Variants in RAD51B observed in about 807,000 individuals in gnomAD.
RAD51B encodes the protein DNA repair protein RAD51 homolog 2.
In RAD51B, 38 loss-of-function variants were observed where a neutral mutation model predicts 42.2. That is an observed-to-expected ratio of 0.90 (90% CI 0.70 to 1.18). RAD51B has a LOEUF of 1.18. Ranked by LOEUF, RAD51B falls within the 50% of genes most tolerant of loss-of-function variation. The pLI is 0.00. For missense variants in RAD51B, 373 were observed against 400.7 expected (o/e 0.93, Z 0.59); for synonymous variants, 154 against 145.2 (o/e 1.06, Z -0.43).
chr14:68,610,101 A>G (rs1047794775), intron 10 of RAD51B, among the ~76,000 whole-genome samples: 3 of 152,056 alleles, frequency 2.0e-5, no homozygotes, highest in Admixed American at 6.5e-5. Context: ...GTCTCTGCTT[A>G]GACACCCTGC....
At chr14:68,340,140 C>T (rs186877576) in intron 8 of RAD51B, among the ~76,000 whole-genome samples, 1 of 152,280 alleles carries the variant, frequency 6.6e-6, no homozygotes, top group Non-Finnish European at 1.5e-5. Context: ...TGTCTTTGGA[C>T]CGATACAATG....
At chr14:68,592,795 T>C (rs1199251929) in intron 10 of RAD51B, among the ~76,000 whole-genome samples, 1 of 152,236 alleles carries the variant, frequency 6.6e-6, no homozygotes, top group African/African-American at 2.4e-5. Flanking sequence ...TGGCATTGAT[T>C]CCCTTCGGCA....
chr14:68,577,445 T>C (rs1890011282), intron 10 of RAD51B, among the ~76,000 whole-genome samples: 2 of 152,138 alleles, frequency 1.3e-5, no homozygotes, highest in South Asian at 4.1e-4. Context: ...GTTTAGATGC[T>C]TCCACAGTCA....
chr14:68,410,101 G>A (rs150407333), intron 8 of RAD51B, among the ~76,000 whole-genome samples: 254 of 152,214 alleles, frequency 1.7e-3, no homozygotes, highest in African/African-American at 6.0e-3. Context: ...TTTGTTGTAG[G>A]ATGCTGTCCT....
intron 10 of RAD51B, among the ~76,000 whole-genome samples, chr14:68,508,461 G>A (rs1260632436): frequency 1.3e-5 from 2 of 152,222 alleles, no homozygotes; most frequent in Non-Finnish European, 2.9e-5. Context: ...TTCAGCTCCT[G>A]TTAGCTAGAG....
intron 8 of RAD51B, among the ~76,000 whole-genome samples, chr14:68,342,103 T>G (rs988755100): frequency 6.6e-6 from 1 of 152,208 alleles, no homozygotes; most frequent in African/African-American, 2.4e-5. Flanking sequence ...CTTGACTCTA[T>G]CACATGTTTA....
intron 7 of RAD51B, among the ~76,000 whole-genome samples, chr14:68,188,596 C>T (rs1472253536): frequency 6.6e-6 from 1 of 152,160 alleles, no homozygotes. Context: ...TTGATTACTT[C>T]ATCAAAGCAA....
At chr14:68,444,440 TTGTGTGTGTGTGTGTGTG>T (rs3837661) in intron 9 of RAD51B, among the ~76,000 whole-genome samples, 1 of 150,166 alleles carries the variant, frequency 6.7e-6, no homozygotes, top group Non-Finnish European at 1.5e-5. Flanking sequence ...GAATTGTGAA[TTGTGTGTGTGTGTGTGTG>T]TGTGTGTGTG....
At chr14:68,071,136 G>C (rs549437073) in intron 7 of RAD51B, among the ~76,000 whole-genome samples, 1 of 152,034 alleles carries the variant, frequency 6.6e-6, no homozygotes, top group Non-Finnish European at 1.5e-5. Context: ...AAACTTTGCC[G>C]AAGTTATTTA....
chr14:68,377,124 A>G (rs1269688148), intron 8 of RAD51B, among the ~76,000 whole-genome samples: 1 of 152,210 alleles, frequency 6.6e-6, no homozygotes, highest in Non-Finnish European at 1.5e-5. Flanking sequence ...GGGATATGAA[A>G]CTAGAGGCTT....
intron 4 of RAD51B, among the ~76,000 whole-genome samples, chr14:67,862,718 A>G (rs920837304): frequency 1.4e-4 from 21 of 152,194 alleles, no homozygotes; most frequent in Non-Finnish European, 4.4e-5. Context: ...GAATCACAAA[A>G]TATTTACATT....
At chr14:67,829,273 T>C (rs2040945136) in intron 3 of RAD51B, among the ~76,000 whole-genome samples, 3 of 151,804 alleles carry the variant, frequency 2.0e-5, no homozygotes, top group Admixed American at 2.0e-4. Flanking sequence ...GACAGAGTCT[T>C]GCTCTGTCGC....
chr14:68,237,921 G>C (rs2080297071), intron 7 of RAD51B, among the ~76,000 whole-genome samples: 1 of 151,884 alleles, frequency 6.6e-6, no homozygotes, highest in African/African-American at 2.4e-5. Flanking sequence ...TTTTAGTAGA[G>C]ATGGTGTTTC....
At chr14:68,000,839 C>G (rs2075468166) in intron 7 of RAD51B, among the ~76,000 whole-genome samples, 1 of 152,150 alleles carries the variant, frequency 6.6e-6, no homozygotes, top group Non-Finnish European at 1.5e-5. Context: ...TCCTCTGTCT[C>G]TGAGAACCAT....
chr14:68,463,822 GC>G (rs1395619422), intron 9 of RAD51B, among the ~76,000 whole-genome samples: 5 of 152,078 alleles, frequency 3.3e-5, no homozygotes, highest in African/African-American at 1.2e-4. Context: ...TGGAATTTGG[GC>G]CCCAGTCCAA....
intron 7 of RAD51B, among the ~76,000 whole-genome samples, chr14:67,937,922 G>A (rs1331937724): frequency 2.0e-5 from 3 of 151,932 alleles, no homozygotes; most frequent in African/African-American, 7.3e-5. Flanking sequence ...TTGCATTAGG[G>A]GTTTGAAATA....
chr14:68,230,690 T>C (rs866672321), intron 7 of RAD51B, among the ~76,000 whole-genome samples: 4 of 152,342 alleles, frequency 2.6e-5, no homozygotes, highest in Middle Eastern at 6.8e-3. Context: ...AGAAACGGAT[T>C]GCTATGCAGA....
intron 10 of RAD51B, among the ~76,000 whole-genome samples, chr14:68,601,748 T>C (rs1891228271): frequency 6.6e-6 from 1 of 152,044 alleles, no homozygotes; most frequent in Non-Finnish European, 1.5e-5. Context: ...GCCCACTACC[T>C]CCCCTCCCTC....
intron 7 of RAD51B, among the ~76,000 whole-genome samples, chr14:68,226,525 A>G (rs2080042287): frequency 6.6e-6 from 1 of 152,156 alleles, no homozygotes; most frequent in African/African-American, 2.4e-5. Flanking sequence ...GATAGTAAAT[A>G]AGTCTCACAA....
Sources: gnomAD v4.1 joint callset for allele counts (sites outside exome capture counted in the v4.1 genomes callset) on GRCh38, gnomAD v4.1.1 for gene constraint, MANE v1.5 for transcripts, NCBI Gene and HGNC (gene_info 2026-07-23, HGNC 2026-07-21) for gene names.